Variants in TMEM132B observed in about 807,000 individuals in gnomAD.
The protein encoded by TMEM132B is transmembrane protein 132B.
A neutral mutation model predicts 90.8 loss-of-function variants in TMEM132B; 18 were observed. The observed-to-expected ratio is 0.20, with a 90% CI of 0.14 to 0.29. TMEM132B has a LOEUF of 0.29. Ranked by LOEUF, TMEM132B falls within the 10% of genes least tolerant of loss-of-function variation. The probability of loss-of-function intolerance (pLI) is 1.00; values close to 1 mark genes in which losing one functional copy is unlikely to be tolerated. For synonymous variants in TMEM132B, 504 were observed against 523.3 expected, an observed-to-expected ratio of 0.96 and a Z score of 0.50; for missense variants, 1,096 against 1,326.8, an observed-to-expected ratio of 0.83 and a Z score of 2.70.
chr12:125,272,828 G>A (rs1281873223), intron 1 of TMEM132B, among the ~76,000 whole-genome samples: 1 of 152,178 alleles, frequency 6.6e-6, no homozygotes, highest in Non-Finnish European at 1.5e-5. Context: ...TGCTACAGAT[G>A]TTGGCACTTC....
intron 2 of TMEM132B, among the ~76,000 whole-genome samples, chr12:125,350,652 C>G (rs142799678): frequency 3.9e-4 from 59 of 152,300 alleles, no homozygotes; most frequent in African/African-American, 1.3e-3. Context: ...AGGAGGCCAG[C>G]TGCGTCTGCT....
intron 1 of TMEM132B, among the ~76,000 whole-genome samples, chr12:125,311,747 C>A (rs1876130728): frequency 6.6e-6 from 1 of 152,154 alleles, no homozygotes; most frequent in Non-Finnish European, 1.5e-5. Flanking sequence ...AGCGGGCAGG[C>A]CAGAGGATGT....
intron 4 of TMEM132B, among the ~76,000 whole-genome samples, chr12:125,535,633 T>C (rs181539917): frequency 1.3e-5 from 2 of 152,336 alleles, no homozygotes; most frequent in South Asian, 2.1e-4. Flanking sequence ...TATTGTGTCT[T>C]TCTATAATTA....
At chr12:125,266,886 G>A (rs965627928) in intron 1 of TMEM132B, among the ~76,000 whole-genome samples, 1 of 152,166 alleles carries the variant, frequency 6.6e-6, no homozygotes, top group African/African-American at 2.4e-5. Context: ...TGTGTCCCAT[G>A]GCACTCTGGG....
At chr12:125,273,852 T>C (rs1874914364) in intron 1 of TMEM132B, among the ~76,000 whole-genome samples, 1 of 152,178 alleles carries the variant, frequency 6.6e-6, no homozygotes, top group African/African-American at 2.4e-5. Context: ...TTTGTAGAGA[T>C]GGGGTTTCAC....
chr12:125,194,133 C>A (rs1872867759), intron 1 of TMEM132B, among the ~76,000 whole-genome samples: 1 of 152,224 alleles, frequency 6.6e-6, no homozygotes, highest in South Asian at 2.1e-4. Flanking sequence ...CTTAACTGAT[C>A]AATACCCTCT....
chr12:125,491,272 ATTTAT>A (rs952196517), intron 3 of TMEM132B, among the ~76,000 whole-genome samples: 16 of 150,750 alleles, frequency 1.1e-4, no homozygotes, highest in African/African-American at 3.2e-4. Context: ...AATTTTACTT[ATTTAT>A]TTTAATTATT....
intron 3 of TMEM132B, among the ~76,000 whole-genome samples, chr12:125,511,851 C>CAAA (rs35364069): frequency 0.036 from 3,995 of 111,024 alleles, 260 homozygotes; most frequent in African/African-American, 0.13. Context: ...GACTCTATCT[C>CAAA]AAAAAAAAAA....
At chr12:125,553,133 A>AG (rs1294652812) in intron 4 of TMEM132B, among the ~76,000 whole-genome samples, 1 of 152,242 alleles carries the variant, frequency 6.6e-6, no homozygotes, top group East Asian at 1.9e-4. Context: ...CAATTTTGTG[A>AG]GGGATGGAAG....
At chr12:125,237,746 G>A (rs1873969330) in intron 1 of TMEM132B, among the ~76,000 whole-genome samples, 1 of 152,210 alleles carries the variant, frequency 6.6e-6, no homozygotes, top group Non-Finnish European at 1.5e-5. Flanking sequence ...ACCATGCCCG[G>A]CCACGTTGGC....
intron 1 of TMEM132B, among the ~76,000 whole-genome samples, chr12:125,270,630 A>T (rs1483932820): frequency 6.6e-6 from 1 of 152,154 alleles, no homozygotes; most frequent in Non-Finnish European, 1.5e-5. Context: ...GAGCAGAGTG[A>T]AACACACCTC....
At chr12:125,507,374 G>A (rs1882873139) in intron 3 of TMEM132B, among the ~76,000 whole-genome samples, 1 of 152,196 alleles carries the variant, frequency 6.6e-6, no homozygotes, top group Admixed American at 6.5e-5. Context: ...GACAGAAATA[G>A]CCCAAAGAAA....
intron 1 of TMEM132B, among the ~76,000 whole-genome samples, chr12:125,199,184 A>G (rs557150178): frequency 6.6e-6 from 1 of 152,280 alleles, no homozygotes; most frequent in South Asian, 2.1e-4. Flanking sequence ...ACGGCATCGT[A>G]TGCACTTTTG....
intron 1 of TMEM132B, among the ~76,000 whole-genome samples, chr12:125,204,299 G>A (rs2136059786): frequency 7.4e-6 from 1 of 135,998 alleles, no homozygotes; most frequent in African/African-American, 2.5e-5. Flanking sequence ...TCCTTTCAAT[G>A]AGGGCTCCGT....
intron 4 of TMEM132B, among the ~76,000 whole-genome samples, chr12:125,560,573 A>G: frequency 6.6e-6 from 1 of 152,170 alleles, no homozygotes; most frequent in East Asian, 1.9e-4. Flanking sequence ...CTGTAATCCC[A>G]GCACTTTGGG....
intron 4 of TMEM132B, among the ~76,000 whole-genome samples, chr12:125,556,058 A>G (rs1450260774): frequency 1.3e-5 from 2 of 152,176 alleles, no homozygotes; most frequent in Non-Finnish European, 1.5e-5. Flanking sequence ...AAGAAATCCT[A>G]TTTTAACTTG....
chr12:125,255,992 C>T (rs1328795353), intron 1 of TMEM132B, among the ~76,000 whole-genome samples: 1 of 151,960 alleles, frequency 6.6e-6, no homozygotes, highest in Non-Finnish European at 1.5e-5. Flanking sequence ...TTTTGTGTGT[C>T]GCTTTTTTTT....
chr12:125,262,794 T>C (rs1874598611), intron 1 of TMEM132B, among the ~76,000 whole-genome samples: 1 of 152,224 alleles, frequency 6.6e-6, no homozygotes, highest in Non-Finnish European at 1.5e-5. Flanking sequence ...AAGCAAAGTG[T>C]GTTGGCTGCC....
chr12:125,207,731 ACTCCCGTTT>A (rs1325775435), intron 1 of TMEM132B, among the ~76,000 whole-genome samples: 3 of 151,596 alleles, frequency 2.0e-5, no homozygotes. Context: ...TTAATCAGTA[ACTCCCGTTT>A]CTCCCTTCTC....
Sources: gnomAD v4.1 joint callset for allele counts (sites outside exome capture counted in the v4.1 genomes callset) on GRCh38, gnomAD v4.1.1 for gene constraint, MANE v1.5 for transcripts, NCBI Gene and HGNC (gene_info 2026-07-23, HGNC 2026-07-21) for gene names.